Variants in DOCK1 observed in about 807,000 individuals in gnomAD.
DOCK1 encodes dedicator of cytokinesis 1, also known as dedicator of cytokinesis protein 1.
In DOCK1, 138 loss-of-function variants were observed where a neutral mutation model predicts 262.7. That is an observed-to-expected ratio of 0.53 (90% CI 0.46 to 0.61). The LOEUF is 0.61. Ranked by LOEUF, DOCK1 falls within the 20% of genes least tolerant of loss-of-function variation. The probability of loss-of-function intolerance (pLI) is 0.00; values close to 1 mark genes in which losing one functional copy is unlikely to be tolerated. For missense variants in DOCK1, 1,908 were observed against 2,370.7 expected, an observed-to-expected ratio of 0.80 and a Z score of 4.05; for synonymous variants, 866 against 867.4, an observed-to-expected ratio of 1.00 and a Z score of 0.03.
At chr10:127,254,883 G>C in intron 28 of DOCK1, among the ~76,000 whole-genome samples, 1 of 152,202 alleles carries the variant, frequency 6.6e-6, no homozygotes, top group Admixed American at 6.5e-5. Context: ...CATTTGAAAA[G>C]TGAAGCATGG....
chr10:127,031,580 G>T lies in DOCK1; in HGVS notation c.1625-70G>T, dbSNP rs1436837816. 5 of 1,230,882 alleles carry T rather than the reference G, an allele frequency of 4.1e-6. No individual in the cohort carries two copies. In the African/African-American group the frequency reaches 7.5e-5, roughly 18 times the overall value. 76.2% of individuals were successfully genotyped at this position (1,230,882 alleles called of 1,614,324 possible). A position where few individuals can be genotyped will look rare whatever the true frequency, so the allele number is the denominator to read the frequency against. ...TGTTTTCATAAAGGTAGCCTTTGTA[G>T]CTTCTTATAATGTTATTTTGTCATG... On this transcript the variant is annotated intron_variant, in intron 16 of 51. Coordinates refer to ENST00000623213, the MANE Select transcript of DOCK1 (RefSeq NM_001290223.2).
chr10:126,905,700 C>G (rs1189135721), intron 1 of DOCK1, 137 bp downstream of exon 1: 1 of 148,638 alleles, frequency 6.7e-6, no homozygotes, highest in Non-Finnish European at 1.5e-5. Flanking sequence ...CCCGCGCCGC[C>G]GCCCCGCTCG....
intron 26 of DOCK1, among the ~76,000 whole-genome samples, 181 bp from the exon 27 acceptor site, chr10:127,127,484 ATAAT>A (rs1176562891): frequency 3.9e-5 from 6 of 152,236 alleles, no homozygotes; most frequent in African/African-American, 1.2e-4. Context: ...TTAATGGACT[ATAAT>A]TAATAAAAAC....
chr10:127,065,243 T>C (rs113333307), intron 23 of DOCK1, among the ~76,000 whole-genome samples: 1,900 of 152,238 alleles, frequency 0.012, 38 homozygotes, highest in African/African-American at 0.043. Context: ...ACACCTGACC[T>C]CAAATAATTC....
intron 29 of DOCK1, among the ~76,000 whole-genome samples, chr10:127,298,741 A>G (rs12772251): frequency 0.15 from 23,371 of 152,174 alleles, 2,108 homozygotes; most frequent in African/African-American, 0.24. Context: ...TTTATATTAC[A>G]AAGCCCAGGG....
intron 25 of DOCK1, among the ~76,000 whole-genome samples, chr10:127,115,873 T>A (rs2049148786): frequency 6.6e-6 from 1 of 152,230 alleles, no homozygotes; most frequent in Admixed American, 6.5e-5. Flanking sequence ...GTCACTTATT[T>A]GCTTTGCAAG....
chr10:127,333,161 C>A (rs2063056461), intron 29 of DOCK1, among the ~76,000 whole-genome samples: 1 of 152,192 alleles, frequency 6.6e-6, no homozygotes, highest in South Asian at 2.1e-4. Flanking sequence ...CCCAAAGCAG[C>A]CTGTCTTCAT....
intron 4 of DOCK1, among the ~76,000 whole-genome samples, chr10:126,983,314 G>T (rs528105641): frequency 6.6e-6 from 1 of 152,198 alleles, no homozygotes; most frequent in South Asian, 2.1e-4. Flanking sequence ...GGCTTGACAG[G>T]TGATCTCATC....
chr10:127,325,174 A>G (rs2062701449), intron 29 of DOCK1, among the ~76,000 whole-genome samples: 1 of 152,208 alleles, frequency 6.6e-6, no homozygotes, highest in Non-Finnish European at 1.5e-5. Flanking sequence ...TCTAACTATT[A>G]TTATTCTGTG....
intron 6 of DOCK1, among the ~76,000 whole-genome samples, chr10:126,992,708 A>G (rs2039873370): frequency 9.1e-6 from 1 of 109,918 alleles, no homozygotes; most frequent in Admixed American, 1.1e-4. Context: ...ACAATACACA[A>G]ACACAGGCAC....
At chr10:127,241,192 A>G (rs1316822013) in intron 27 of DOCK1, among the ~76,000 whole-genome samples, 1 of 152,074 alleles carries the variant, frequency 6.6e-6, no homozygotes, top group African/African-American at 2.4e-5. Context: ...GGCGTGGCAT[A>G]CCTCTAGTCC....
chr10:126,942,613 G>A (rs985544725), intron 1 of DOCK1, among the ~76,000 whole-genome samples: 25 of 152,238 alleles, frequency 1.6e-4, no homozygotes, highest in African/African-American at 6.0e-4. Context: ...AGGGAGCCGA[G>A]CCAGCCCCGA....
intron 29 of DOCK1, among the ~76,000 whole-genome samples, chr10:127,276,987 G>A (rs1209848302): frequency 1.3e-5 from 2 of 152,136 alleles, no homozygotes; most frequent in Non-Finnish European, 2.9e-5. Flanking sequence ...TACTGATCAC[G>A]TTGATGTGGA....
At chr10:126,930,048 A>C (rs983683805) in intron 1 of DOCK1, among the ~76,000 whole-genome samples, 1 of 152,314 alleles carries the variant, frequency 6.6e-6, no homozygotes, top group South Asian at 2.1e-4. Context: ...TTAGTTCATA[A>C]AAATGCAGAT....
intron 32 of DOCK1, among the ~76,000 whole-genome samples, chr10:127,361,214 C>T (rs572837981): frequency 6.0e-5 from 9 of 149,466 alleles, no homozygotes; most frequent in East Asian, 2.0e-4. Context: ...CCCAGGTTCA[C>T]GCCATTCTCC....
At position 127,257,442 on chromosome 10, in the gene DOCK1, A is replaced by T; in HGVS notation, c.3044+13A>T. The T allele has an allele frequency of 1.3e-6, 2 of 1,587,098 alleles. No individual in the cohort carries two copies. Among genetic ancestry groups the T allele is most frequent in the Non-Finnish European group, 1.7e-6 (2 of 1,164,714 alleles). On this transcript the variant is annotated intron_variant, in intron 29 of 51. Transcript: ENST00000623213. The stretch of plus-strand genomic sequence containing the variant: ...TGGTGCAAAATAAGTAAGTGTGGGG[A>T]AAACGGCTCTCACCTTTTCTATGGC...
chr10:127,256,747 A>T (rs2059837468), intron 28 of DOCK1, among the ~76,000 whole-genome samples: 1 of 152,132 alleles, frequency 6.6e-6, no homozygotes, highest in Non-Finnish European at 1.5e-5. Flanking sequence ...ATCATCTAAG[A>T]CATCAGAAGC....
chr10:127,100,230 G>A lies in DOCK1; in HGVS notation c.2446-6001G>A, dbSNP rs1180882609. On this transcript the variant is annotated intron_variant, in intron 23 of 51. Transcript: ENST00000623213. This position sits in a 1 kb window ranked among gnomAD's most constrained non-coding sequence, Gnocchi z 5.5. ...TGGAGGCAGGGAGGGCGGGTAGGAG[G>A]CTGTGGCAGCAAAGCCAATGGGAGG... Among the ~76,000 whole-genome samples the A allele has an allele frequency of 6.6e-6, 1 of 152,210 alleles. No individual in the cohort carries two copies. Among genetic ancestry groups the A allele is most frequent in the African/African-American group, 2.4e-5 (1 of 41,462 alleles).
intron 21 of DOCK1, among the ~76,000 whole-genome samples, chr10:127,049,998 G>C (rs1481951479): frequency 1.9e-5 from 2 of 105,406 alleles, no homozygotes; most frequent in Non-Finnish European, 3.5e-5. Context: ...TTTTACTATA[G>C]TGATGAGGGA....
Sources: gnomAD v4.1 joint callset for allele counts (sites outside exome capture counted in the v4.1 genomes callset) on GRCh38, gnomAD v4.1.1 for gene constraint, Gnocchi (gnomAD v3.1) non-coding constraint, MANE v1.5 for transcripts, NCBI Gene and HGNC (gene_info 2026-07-23, HGNC 2026-07-21) for gene names.